Variants in PCDHGA2 observed in about 807,000 individuals in gnomAD.
PCDHGA2 encodes protocadherin gamma-A2.
PCDHGA2 carries 40 observed loss-of-function variants against 59.2 expected under a neutral mutation model. The observed-to-expected ratio is 0.68, with a 90% CI of 0.52 to 0.88. The LOEUF (loss-of-function observed/expected upper bound fraction) is 0.88. Among genes scored for constraint, PCDHGA2 ranks in the 40% least tolerant of loss-of-function variants. The pLI, the probability that PCDHGA2 is intolerant of heterozygous loss-of-function variation, is 0.00. For synonymous variants in PCDHGA2, 560 were observed against 526.0 expected (o/e 1.06, Z -0.89); for missense variants, 1,226 against 1,204.0 (o/e 1.02, Z -0.27).
intron 1 of PCDHGA2, chr5:141,344,662 T>C (rs1297241942): frequency 6.2e-7 from 1 of 1,613,880 alleles, no homozygotes; most frequent in African/African-American, 1.3e-5. Context: ...ATTCACCAGC[T>C]TGTCCTGGTT....
At chr5:141,385,197 T>A (rs371691840) in intron 1 of PCDHGA2, 1 of 1,613,774 alleles carries the variant, frequency 6.2e-7, no homozygotes, top group African/African-American at 1.3e-5. Flanking sequence ...CTCGGAAGAG[T>A]CACCTGATCT....
At chr5:141,461,131 T>G (rs1372557827) in intron 1 of PCDHGA2, among the ~76,000 whole-genome samples, 1 of 152,094 alleles carries the variant, frequency 6.6e-6, no homozygotes, top group Non-Finnish European at 1.5e-5. Flanking sequence ...TATAATTACT[T>G]ATTTTCCTTT....
At chr5:141,419,792 G>T (rs1379811891) in intron 1 of PCDHGA2, 15 of 1,613,924 alleles carry the variant, frequency 9.3e-6, no homozygotes, top group African/African-American at 2.7e-5. Flanking sequence ...CCTGCTAGTC[G>T]CTGTAAGAGA....
chr5:141,389,588 C>T (rs2091837140), intron 1 of PCDHGA2: 3 of 1,613,150 alleles, frequency 1.9e-6, no homozygotes, highest in Non-Finnish European at 2.5e-6. Flanking sequence ...TGGGTCCCGA[C>T]GGCTCTGCGC....
chr5:141,408,839 A>T (rs1296339131), intron 1 of PCDHGA2: 24 of 1,613,642 alleles, frequency 1.5e-5, no homozygotes, highest in Non-Finnish European at 2.0e-5. Context: ...CTTGATATTG[A>T]CTGCCTTGGA....
intron 1 of PCDHGA2, among the ~76,000 whole-genome samples, chr5:141,481,126 A>G (rs2099532217): frequency 6.6e-6 from 1 of 152,222 alleles, no homozygotes. Context: ...CATTTAGCAT[A>G]TTTGTGAAGT....
intron 1 of PCDHGA2, chr5:141,343,074 C>A (rs569373311): frequency 1.1e-4 from 17 of 159,502 alleles, no homozygotes; most frequent in Non-Finnish European, 2.1e-4. Context: ...CTTGGCTTCT[C>A]CCATTATGGT....
At chr5:141,393,314 C>T (rs2150518180) in intron 1 of PCDHGA2, 1 of 1,613,076 alleles carries the variant, frequency 6.2e-7, no homozygotes, top group Non-Finnish European at 8.5e-7. Flanking sequence ...TGAACTCCCT[C>T]CAGAGCTACC....
chr5:141,423,330 C>T (rs932335651), intron 1 of PCDHGA2: 2 of 1,614,174 alleles, frequency 1.2e-6, no homozygotes, highest in Non-Finnish European at 1.7e-6. Flanking sequence ...TGGCCGCAGT[C>T]TCCTGCATCT....
At position 141,486,765 on chromosome 5, in the gene PCDHGA2, T is replaced by C; in HGVS notation, c.2425-8042T>C. On this transcript the variant is annotated intron_variant, in intron 1 of 3. Transcript: ENST00000394576. This position sits in a 1 kb window ranked among gnomAD's most constrained non-coding sequence, Gnocchi z 5.0. ...TTTGACTATGAGCAAACCCAGACACTGCAGTTTGAGGTGCAGGCCCGGGAT... is the reference window on the plus strand; with the variant it reads ...TTTGACTATGAGCAAACCCAGACACCGCAGTTTGAGGTGCAGGCCCGGGAT... 4 of 1,614,230 alleles carry C rather than the reference T, an allele frequency of 2.5e-6. No individual in the cohort carries two copies. Among genetic ancestry groups the C allele is most frequent in the Non-Finnish European group, 3.4e-6 (4 of 1,180,038 alleles).
chr5:141,456,975 A>T (rs1240583336), intron 1 of PCDHGA2, among the ~76,000 whole-genome samples: 1 of 152,178 alleles, frequency 6.6e-6, no homozygotes, highest in East Asian at 1.9e-4. Flanking sequence ...AACAAAACAA[A>T]CAAACAAACA....
At chr5:141,360,620 T>A (rs759358436) in intron 1 of PCDHGA2, 2 of 1,613,908 alleles carry the variant, frequency 1.2e-6, no homozygotes, top group Non-Finnish European at 1.7e-6. Flanking sequence ...GATTCAGATG[T>A]TGGTCCTAAC....
chr5:141,363,505 C>T (rs1762954025), intron 1 of PCDHGA2, among the ~76,000 whole-genome samples: 1 of 152,194 alleles, frequency 6.6e-6, no homozygotes, highest in Non-Finnish European at 1.5e-5. Flanking sequence ...AAACCCCATC[C>T]TCCACAGTTA....
chr5:141,413,900 AC>A, intron 1 of PCDHGA2: 1 of 1,613,126 alleles, frequency 6.2e-7, no homozygotes. Flanking sequence ...GCAAATGACA[AC>A]GCGCCGGTCT....
At chr5:141,346,369 T>G (rs746035914) in intron 1 of PCDHGA2, 16 of 1,614,084 alleles carry the variant, frequency 9.9e-6, no homozygotes, top group Non-Finnish European at 1.2e-5. Context: ...GCGGACACGC[T>G]CATCAGCCAG....
At chr5:141,394,399 A>C in intron 1 of PCDHGA2, 3 of 1,614,206 alleles carry the variant, frequency 1.9e-6, no homozygotes, top group Non-Finnish European at 2.5e-6. Context: ...CGAGACCTGC[A>C]GCTACTGGTA....
chr5:141,485,935 C>A lies in PCDHGA2; in HGVS notation c.2425-8872C>A. The stretch of plus-strand genomic sequence containing the variant: ...GCTACAGGATTAGTGTGTTGGAGAG[C>A]GCACCAGCGGGCATGGTGCTCATCC... On this transcript the variant is annotated intron_variant, in intron 1 of 3. Coordinates refer to ENST00000394576, the MANE Select transcript of PCDHGA2 (RefSeq NM_018915.4). This position sits in a 1 kb window ranked among gnomAD's most constrained non-coding sequence, Gnocchi z 5.7. The A allele has an allele frequency of 3.1e-6, 5 of 1,614,144 alleles. No homozygotes were observed. Among genetic ancestry groups the A allele is most frequent in the Non-Finnish European group, 3.4e-6 (4 of 1,180,030 alleles).
intron 1 of PCDHGA2, chr5:141,413,476 G>A: frequency 6.2e-7 from 1 of 1,614,122 alleles, no homozygotes; most frequent in Non-Finnish European, 8.5e-7. Context: ...GGAGCTCTGC[G>A]CTCAGAGCGC....
chr5:141,400,217 T>C (rs771117256), intron 1 of PCDHGA2: 1 of 1,613,916 alleles, frequency 6.2e-7, no homozygotes, highest in Non-Finnish European at 8.5e-7. Flanking sequence ...TTGATCTCAG[T>C]GCTCTTCCTC....
Sources: gnomAD v4.1 joint callset for allele counts (sites outside exome capture counted in the v4.1 genomes callset) on GRCh38, gnomAD v4.1.1 for gene constraint, Gnocchi (gnomAD v3.1) non-coding constraint, MANE v1.5 for transcripts, NCBI Gene and HGNC (gene_info 2026-07-23, HGNC 2026-07-21) for gene names.